TNS3: variants seen among roughly 807,000 people sequenced by gnomAD.
TNS3 encodes the protein tensin 3, also known as tensin-3.
In TNS3, 45 loss-of-function variants were observed where a neutral mutation model predicts 140.9. The observed-to-expected ratio is 0.32, with a 90% CI of 0.25 to 0.41. TNS3 has a LOEUF of 0.41. Ranked by LOEUF, TNS3 falls within the 10% of genes least tolerant of loss-of-function variation. The pLI is 1.00. For missense variants in TNS3, 1,716 were observed against 1,906.7 expected (o/e 0.90, Z 1.86); for synonymous variants, 815 against 788.4 (o/e 1.03, Z -0.56).
chr7:47,574,368 C>T (rs1800623994), intron 1 of TNS3, among the ~76,000 whole-genome samples: 1 of 152,034 alleles, frequency 6.6e-6, no homozygotes, highest in Non-Finnish European at 1.5e-5. Context: ...CTGGTTTTTA[C>T]CCTGGGGGTG....
chr7:47,291,362 C>T (rs1448867538), intron 27 of TNS3, among the ~76,000 whole-genome samples: 1 of 152,166 alleles, frequency 6.6e-6, no homozygotes, highest in Non-Finnish European at 1.5e-5. Flanking sequence ...TGTGTTAATG[C>T]AGGTTCATCA....
chr7:47,303,315 A>T lies in TNS3; in HGVS notation c.3092T>A (p.Leu1031His). ...GGCCCCCAGGTCCTCCTCGGGCGGA[A>T]GGCCACTTCCCACTGGGGCGGTGCC... ...GFGTAPVGSGLPPEEDLGALL... is the reference protein window; with the variant it reads ...GFGTAPVGSGHPPEEDLGALL... The change falls in exon 22 of 31, where the codon CTT becomes CAT. Residue 1031 changes from leucine to histidine, a missense_variant. Leu to His is a moderately conservative substitution (Grantham distance 99, BLOSUM62 -3). Coordinates refer to ENST00000311160, the MANE Select transcript of TNS3 (RefSeq NM_022748.12). 2 of 1,613,548 alleles carry T rather than the reference A, an allele frequency of 1.2e-6. No individual in the cohort carries two copies. Among genetic ancestry groups the T allele is most frequent in the Non-Finnish European group, 1.7e-6 (2 of 1,179,842 alleles).
chr7:47,316,522 G>A (rs1046371871), intron 20 of TNS3, among the ~76,000 whole-genome samples: 15 of 151,150 alleles, frequency 9.9e-5, no homozygotes, highest in African/African-American at 3.6e-4. Context: ...CCTCAGTAGT[G>A]ATTAGTTTTA....
intron 1 of TNS3, among the ~76,000 whole-genome samples, chr7:47,529,540 G>A (rs1167386374): frequency 6.6e-6 from 1 of 152,112 alleles, no homozygotes; most frequent in Non-Finnish European, 1.5e-5. Flanking sequence ...TTTTTCTTCT[G>A]GAAAAAGTAA....
intron 16 of TNS3, among the ~76,000 whole-genome samples, chr7:47,382,356 G>A (rs1791817967): frequency 6.6e-6 from 1 of 152,196 alleles, no homozygotes; most frequent in African/African-American, 2.4e-5. Flanking sequence ...GCACCCACTG[G>A]TCTTCAGATC....
Position 47,303,204 on chromosome 7 carries a change from T to G in TNS3, c.3203A>C (p.His1068Pro), listed in dbSNP as rs1584353999. 1 of 1,613,342 alleles carries G rather than the reference T, an allele frequency of 6.2e-7. No homozygotes were observed. The highest frequency in any genetic ancestry group is 2.2e-5 in the East Asian group (1 of 44,836). ...TGAADNGFLS[H>P]NFLTVAPGHS... ...TCCAGGCGCCACCGTGAGAAAGTTG[T>G]GGGACAGGAAGCCATTGTCGGCAGC... The change falls in exon 22 of 31, where the codon CAC becomes CCC. Residue 1068 changes from histidine to proline, a missense_variant. By Grantham distance (77) the His-to-Pro change is moderately conservative (BLOSUM62 -2). Coordinates refer to ENST00000311160, the MANE Select transcript of TNS3 (RefSeq NM_022748.12).
intron 2 of TNS3, among the ~76,000 whole-genome samples, chr7:47,527,075 A>G (rs1375648303): frequency 8.6e-5 from 1 of 11,594 alleles, no homozygotes; most frequent in African/African-American, 1.1e-4. Flanking sequence ...TATTAAAAAT[A>G]CAAAAAAAAA....
At chr7:47,500,333 G>A (rs1040165833) in intron 3 of TNS3, among the ~76,000 whole-genome samples, 7 of 152,192 alleles carry the variant, frequency 4.6e-5, no homozygotes, top group Non-Finnish European at 1.0e-4. Context: ...GAGGAGAAGG[G>A]ATGCCCGTGT....
rs148154344 is a variant in TNS3, at chr7:47,280,504, G to A, written c.4098-150C>T. On this transcript the variant is annotated intron_variant, in intron 28 of 30. Coordinates refer to ENST00000311160, the MANE Select transcript of TNS3 (RefSeq NM_022748.12). ...TCATCACTTGGAGAGAAGAAAGTGC[G>A]TGCTCATTCAAAGTCAACAGATGTC... 237 of 762,910 alleles carry A rather than the reference G, an allele frequency of 3.1e-4. 1 individual carries two copies. The African/African-American group carries it at 3.3e-3, about 11-fold the overall frequency. The allele number at this position is 762,910 out of a possible 1,614,324, so 47.3% of individuals were successfully genotyped here. A position where few individuals can be genotyped will look rare whatever the true frequency, so the allele number is the denominator to read the frequency against.
chr7:47,450,631 G>A (rs1008880784), intron 4 of TNS3, among the ~76,000 whole-genome samples: 7 of 152,182 alleles, frequency 4.6e-5, no homozygotes, highest in South Asian at 2.1e-4. Context: ...TTCCCAGGGG[G>A]GCTCTGACCA....
Position 47,552,565 on chromosome 7 carries a change from A to G in TNS3, c.-264-23418T>C, listed in dbSNP as rs146372703. Among the ~76,000 whole-genome samples, 64 of 152,240 alleles carry G rather than the reference A, an allele frequency of 4.2e-4. 2 individuals carry two copies. In the East Asian group the frequency reaches 0.012, roughly 29 times the overall value. On this transcript the variant is annotated intron_variant, in intron 1 of 30. Coordinates refer to ENST00000311160, the MANE Select transcript of TNS3 (RefSeq NM_022748.12). Reference sequence around the variant, plus strand: ...CATTATTATTATATCTTTCATGGTTATTTGTGATCTGTGCTCTTTGATGTT... The same window carrying G: ...CATTATTATTATATCTTTCATGGTTGTTTGTGATCTGTGCTCTTTGATGTT...
chr7:47,281,732 G>GA (rs1324164839), intron 28 of TNS3, among the ~76,000 whole-genome samples: 1 of 152,244 alleles, frequency 6.6e-6, no homozygotes, highest in East Asian at 1.9e-4. Flanking sequence ...AAGAGACACA[G>GA]AAAAAAGACA....
chr7:47,582,306 G>A, upstream of TNS3: 2 of 389,456 alleles, frequency 5.1e-6, no homozygotes, highest in Non-Finnish European at 1.0e-5. Flanking sequence ...CTGCCGAGGT[G>A]CGCCCTGGGA....
intron 3 of TNS3, among the ~76,000 whole-genome samples, chr7:47,487,583 G>T (rs186190951): frequency 6.6e-6 from 1 of 152,058 alleles, no homozygotes; most frequent in Non-Finnish European, 1.5e-5. Context: ...ACACAACACC[G>T]AATGCAAATC....
intron 20 of TNS3, among the ~76,000 whole-genome samples, chr7:47,336,286 C>T (rs1267676050): frequency 6.6e-6 from 1 of 151,874 alleles, no homozygotes; most frequent in African/African-American, 2.4e-5. Context: ...TTTGCTAAAT[C>T]CTGTGGTGTA....
At chr7:47,340,038 T>TATGTGTATA (rs1217981468) in intron 20 of TNS3, among the ~76,000 whole-genome samples, 20 of 143,744 alleles carry the variant, frequency 1.4e-4, no homozygotes, top group Admixed American at 2.8e-4. Flanking sequence ...TATGTATACA[T>TATGTGTATA]ATGTGTATAT....
upstream of TNS3, chr7:47,582,413 C>T: frequency 2.2e-6 from 1 of 456,500 alleles, no homozygotes; most frequent in Non-Finnish European, 4.4e-6. Context: ...TCCGCCGGGC[C>T]GGTGTTAGAG....
chr7:47,328,591 T>C (rs533805721), intron 20 of TNS3, among the ~76,000 whole-genome samples: 1 of 151,300 alleles, frequency 6.6e-6, no homozygotes, highest in South Asian at 2.1e-4. Flanking sequence ...GCCTGAACAG[T>C]CTCTAACAAC....
At chr7:47,413,741 G>T (rs1793916804) in intron 12 of TNS3, among the ~76,000 whole-genome samples, 196 bp downstream of exon 12, 1 of 152,012 alleles carries the variant, frequency 6.6e-6, no homozygotes, top group South Asian at 2.1e-4. Context: ...TGCAGGGCAG[G>T]AGGGAGGGCC....
Sources: allele counts gnomAD v4.1 joint callset (sites outside exome capture counted in the v4.1 genomes callset), GRCh38; gene constraint gnomAD v4.1.1; transcripts MANE v1.5; gene names NCBI Gene and HGNC (gene_info 2026-07-23, HGNC 2026-07-21).